The following AUTS2 variants were observed in gnomAD, a reference collection of about 807,000 sequenced individuals.
AUTS2 encodes autism susceptibility gene 2 protein.
AUTS2 carries 17 observed loss-of-function variants against 112.4 expected under a neutral mutation model. The observed-to-expected ratio is 0.15, with a 90% CI of 0.10 to 0.23. The LOEUF (loss-of-function observed/expected upper bound fraction) is 0.23. Ranked by LOEUF, AUTS2 falls within the 10% of genes least tolerant of loss-of-function variation. The pLI, the probability that AUTS2 is intolerant of heterozygous loss-of-function variation, is 1.00. For missense variants in AUTS2, 1,510 were observed against 1,701.6 expected, an observed-to-expected ratio of 0.89 and a Z score of 1.98; for synonymous variants, 751 against 702.7, an observed-to-expected ratio of 1.07 and a Z score of -1.09.
intron 4 of AUTS2, among the ~76,000 whole-genome samples, chr7:70,386,783 CCT>C (rs1368309479): frequency 6.6e-6 from 1 of 152,016 alleles, no homozygotes; most frequent in African/African-American, 2.4e-5. Context: ...GTCTTCTCTG[CCT>C]CTCTCTCATC....
chr7:70,010,800 A>G (rs1273892103), intron 2 of AUTS2, among the ~76,000 whole-genome samples: 1 of 152,240 alleles, frequency 6.6e-6, no homozygotes, highest in East Asian at 1.9e-4. Flanking sequence ...ATCACCAAAC[A>G]GGATCTATCC....
chr7:70,161,102 C>T (rs1317634467), intron 4 of AUTS2, among the ~76,000 whole-genome samples: 1 of 152,106 alleles, frequency 6.6e-6, no homozygotes, highest in African/African-American at 2.4e-5. Flanking sequence ...CCTTTTTTTA[C>T]CCTTGAAGAC....
chr7:69,678,063 G>T (rs1201297362), intron 1 of AUTS2, among the ~76,000 whole-genome samples: 1 of 152,158 alleles, frequency 6.6e-6, no homozygotes. Context: ...CTTTTAAGAT[G>T]CTTGGGGCTG....
chr7:69,765,861 C>T (rs1030718374), intron 1 of AUTS2, among the ~76,000 whole-genome samples: 2 of 152,040 alleles, frequency 1.3e-5, no homozygotes, highest in Non-Finnish European at 2.9e-5. Context: ...GCAGGAGGAT[C>T]GCTTGAGCCC....
At chr7:69,771,786 C>CT (rs10585402) in intron 1 of AUTS2, among the ~76,000 whole-genome samples, 179 of 143,920 alleles carry the variant, frequency 1.2e-3, no homozygotes, top group Non-Finnish European at 1.8e-3. Flanking sequence ...GTCATGTGAC[C>CT]TTTTTTTTTT....
At chr7:70,789,228 T>C (rs933362249) in intron 18 of AUTS2, among the ~76,000 whole-genome samples, 15 of 152,152 alleles carry the variant, frequency 9.9e-5, no homozygotes, top group Non-Finnish European at 1.9e-4. Flanking sequence ...CTGAAACTGG[T>C]CACTTGTCCT....
chr7:70,459,121 T>TG (rs1796862926), intron 5 of AUTS2, among the ~76,000 whole-genome samples: 1 of 152,242 alleles, frequency 6.6e-6, no homozygotes, highest in African/African-American at 2.4e-5. Flanking sequence ...GAAGAACAGA[T>TG]GCCATATTCC....
intron 1 of AUTS2, among the ~76,000 whole-genome samples, chr7:69,738,840 T>G (rs976337049): frequency 6.6e-6 from 1 of 152,190 alleles, no homozygotes; most frequent in Non-Finnish European, 1.5e-5. Context: ...GATTTAGCTC[T>G]GATTCAGCTG....
At chr7:70,765,636 G>A (rs904393421) in intron 8 of AUTS2, among the ~76,000 whole-genome samples, 3 of 152,190 alleles carry the variant, frequency 2.0e-5, no homozygotes, top group Admixed American at 6.5e-5. Context: ...GAGGACATGC[G>A]AGCCCTGCCG....
intron 4 of AUTS2, among the ~76,000 whole-genome samples, chr7:70,308,566 T>C (rs1789590390): frequency 1.3e-5 from 2 of 152,212 alleles, no homozygotes; most frequent in South Asian, 4.1e-4. Flanking sequence ...AAAAAATGTT[T>C]ACCAAATATT....
intron 5 of AUTS2, among the ~76,000 whole-genome samples, chr7:70,500,767 G>A (rs372539516): frequency 9.2e-5 from 14 of 151,930 alleles, no homozygotes; most frequent in African/African-American, 2.9e-4. Flanking sequence ...TGTTGCTCAG[G>A]CTGGAGTGCA....
At chr7:70,779,342 G>A (rs1432306564) in intron 14 of AUTS2, among the ~76,000 whole-genome samples, 1 of 152,198 alleles carries the variant, frequency 6.6e-6, no homozygotes, top group African/African-American at 2.4e-5. Flanking sequence ...TATTGAAAGA[G>A]CCTACGCCTG....
At chr7:70,462,943 G>A (rs950360831) in intron 5 of AUTS2, among the ~76,000 whole-genome samples, 13 of 151,090 alleles carry the variant, frequency 8.6e-5, no homozygotes, top group African/African-American at 3.1e-4. Context: ...GGGTGACAGA[G>A]CGAGACTCCG....
At chr7:70,512,309 G>A (rs1295443106) in intron 5 of AUTS2, among the ~76,000 whole-genome samples, 1 of 152,216 alleles carries the variant, frequency 6.6e-6, no homozygotes, top group Non-Finnish European at 1.5e-5. Flanking sequence ...AGCCTGCTGA[G>A]TCTAAGATTT....
intron 4 of AUTS2, among the ~76,000 whole-genome samples, chr7:70,325,585 G>T (rs1370871351): frequency 6.6e-6 from 1 of 152,102 alleles, no homozygotes; most frequent in Non-Finnish European, 1.5e-5. Flanking sequence ...ATATTCAGAA[G>T]GTAGAATAAA....
At chr7:70,460,861 G>A (rs1796935181) in intron 5 of AUTS2, among the ~76,000 whole-genome samples, 1 of 152,174 alleles carries the variant, frequency 6.6e-6, no homozygotes, top group Admixed American at 6.5e-5. Flanking sequence ...CCTTGCTGGT[G>A]CCCAGTCAGT....
rs80035817 is a variant in AUTS2, at chr7:70,044,160, C to T, written c.523-73972C>T. 3.0e-3 allele frequency among the ~76,000 whole-genome samples: 453 copies of T among 152,250 alleles called. 5 individuals are homozygous for T. The highest frequency in any genetic ancestry group is 0.01 in the African/African-American group (434 of 41,550). On this transcript the variant is annotated intron_variant, in intron 2 of 18. Coordinates refer to ENST00000342771, the MANE Select transcript of AUTS2 (RefSeq NM_015570.4). The stretch of plus-strand genomic sequence containing the variant: ...CTCCCAGCACAGCCCCTCCTCCTGC[C>T]GCTGGAGAGGTGTTGGGACTGGTGT...
At chr7:69,975,530 T>C (rs746306549) in intron 2 of AUTS2, among the ~76,000 whole-genome samples, 2 of 152,142 alleles carry the variant, frequency 1.3e-5, no homozygotes, top group Non-Finnish European at 2.9e-5. Context: ...CCTGATACTC[T>C]GTTTTTTGTT....
At chr7:70,579,834 T>C (rs1802353125) in intron 5 of AUTS2, among the ~76,000 whole-genome samples, 1 of 152,146 alleles carries the variant, frequency 6.6e-6, no homozygotes, top group South Asian at 2.1e-4. Context: ...AGTTGGGAGA[T>C]TGGCTGGAGC....
Sources: gnomAD v4.1 joint callset for allele counts (sites outside exome capture counted in the v4.1 genomes callset) on GRCh38, gnomAD v4.1.1 for gene constraint, MANE v1.5 for transcripts, NCBI Gene and HGNC (gene_info 2026-07-23, HGNC 2026-07-21) for gene names.